The following RGS8 variants were observed in gnomAD, a reference collection of about 807,000 sequenced individuals.
RGS8 encodes regulator of G protein signaling 8, also known as regulator of G-protein signaling 8.
A neutral mutation model predicts 21.7 loss-of-function variants in RGS8; 8 were observed. The ratio of observed to expected loss-of-function variants is 0.37; its 90% confidence interval spans 0.22 to 0.66. The LOEUF (loss-of-function observed/expected upper bound fraction) is 0.66, where lower values mean the gene tolerates loss of function less well. RGS8 is among the 30% of genes least tolerant of loss of function. The probability of loss-of-function intolerance (pLI) is 0.59; values close to 1 mark genes in which losing one functional copy is unlikely to be tolerated. For synonymous variants in RGS8, 80 were observed against 83.6 expected, an observed-to-expected ratio of 0.96 and a Z score of 0.24; for missense variants, 157 against 217.9, an observed-to-expected ratio of 0.72 and a Z score of 1.76.
chr1:182,686,880 C>G (rs1317839135), upstream of RGS8, among the ~76,000 whole-genome samples: 1 of 151,912 alleles, frequency 6.6e-6, no homozygotes, highest in Non-Finnish European at 1.5e-5. Context: ...AGGAGCCAAC[C>G]AAAGATACTG....
chr1:182,724,470 C>T, the RGS8 span, among the ~76,000 whole-genome samples: 14 of 151,718 alleles, frequency 9.2e-5, no homozygotes, highest in Non-Finnish European at 1.9e-4. Context: ...AGTTAGGTTG[C>T]AGTTCACTAT....
the RGS8 span, among the ~76,000 whole-genome samples, chr1:182,746,722 AAGGG>A: frequency 6.6e-6 from 1 of 151,066 alleles, no homozygotes. Context: ...GAGAGAGAGA[AAGGG>A]AGGGAGGGAG....
the RGS8 span, among the ~76,000 whole-genome samples, chr1:182,709,244 C>T: frequency 7.2e-4 from 109 of 152,286 alleles, 1 homozygote; most frequent in Middle Eastern, 0.031. Context: ...AAAAGTTTTA[C>T]ACTTTTCAGC....
At chr1:182,653,374 G>C (rs1317527642) in intron 5 of RGS8, among the ~76,000 whole-genome samples, 1 of 151,002 alleles carries the variant, frequency 6.6e-6, no homozygotes, top group Non-Finnish European at 1.5e-5. Flanking sequence ...ATGAAGCGAG[G>C]AAAGAGATTT....
intron 2 of RGS8, among the ~76,000 whole-genome samples, 154 bp downstream of exon 3, chr1:182,671,503 A>G (rs567397): frequency 0.12 from 17,993 of 152,242 alleles, 1,925 homozygotes; most frequent in African/African-American, 0.28. Flanking sequence ...AAAGCAAAGA[A>G]CAAAGATTTA....
chr1:182,723,804 T>G, the RGS8 span, among the ~76,000 whole-genome samples: 1 of 152,172 alleles, frequency 6.6e-6, no homozygotes, highest in Non-Finnish European at 1.5e-5. Context: ...AATTCCAGAT[T>G]AAACTGTATT....
At chr1:182,712,674 G>A in the RGS8 span, among the ~76,000 whole-genome samples, 1 of 152,216 alleles carries the variant, frequency 6.6e-6, no homozygotes, top group Non-Finnish European at 1.5e-5. Context: ...TAGCCATGGA[G>A]ACCTCAGATT....
intron 3 of RGS8, among the ~76,000 whole-genome samples, chr1:182,669,288 C>T (rs2102441173): frequency 6.6e-6 from 1 of 152,352 alleles, no homozygotes; most frequent in African/African-American, 2.4e-5. Context: ...TTTCTCCTTT[C>T]TACAGCCCCA....
At chr1:182,733,981 C>A in the RGS8 span, 1 of 151,940 alleles carries the variant, frequency 6.6e-6, no homozygotes, top group Admixed American at 6.6e-5. Context: ...GGTGCAGTGG[C>A]ATGATCTCGG....
At chr1:182,716,619 C>G in the RGS8 span, among the ~76,000 whole-genome samples, 1 of 151,812 alleles carries the variant, frequency 6.6e-6, no homozygotes, top group African/African-American at 2.4e-5. Flanking sequence ...ATTTACAGAT[C>G]AGAAAATTGA....
chr1:182,724,465 G>T, the RGS8 span, among the ~76,000 whole-genome samples: 1 of 151,646 alleles, frequency 6.6e-6, no homozygotes, highest in African/African-American at 2.4e-5. Context: ...CATCCAGTTA[G>T]GTTGCAGTTC....
chr1:182,651,508 C>T (rs1296570606), intron 5 of RGS8, among the ~76,000 whole-genome samples: 1 of 152,186 alleles, frequency 6.6e-6, no homozygotes, highest in East Asian at 1.9e-4. Flanking sequence ...GATCCAAATG[C>T]AAAATTTGAA....
At chr1:182,702,535 CTT>C in the RGS8 span, among the ~76,000 whole-genome samples, 1 of 152,128 alleles carries the variant, frequency 6.6e-6, no homozygotes, top group Admixed American at 6.5e-5. Context: ...TAAAATAAAA[CTT>C]GAAATTATAA....
At chr1:182,675,624 C>T (rs1453464478), upstream of RGS8, among the ~76,000 whole-genome samples, 3 of 152,164 alleles carry the variant, frequency 2.0e-5, no homozygotes, top group East Asian at 3.8e-4. Context: ...CTCTGCTGTC[C>T]CTTCTGCCCG....
At chr1:182,743,363 A>G in the RGS8 span, among the ~76,000 whole-genome samples, 1,275 of 152,308 alleles carry the variant, frequency 8.4e-3, 17 homozygotes, top group African/African-American at 0.028. Context: ...CGAGAATTGT[A>G]GACAATTTCC....
chr1:182,732,495 T>G, the RGS8 span, among the ~76,000 whole-genome samples: 75 of 152,328 alleles, frequency 4.9e-4, 1 homozygote, highest in South Asian at 0.015. Flanking sequence ...ACTCATACCA[T>G]TCATTCCAAA....
intron 5 of RGS8, among the ~76,000 whole-genome samples, chr1:182,655,180 A>C (rs1663210712): frequency 6.6e-6 from 1 of 152,254 alleles, no homozygotes; most frequent in African/African-American, 2.4e-5. Flanking sequence ...AAGGATGCTA[A>C]ACTGCAAAGC....
upstream of RGS8, among the ~76,000 whole-genome samples, chr1:182,677,535 C>A (rs1664404027): frequency 6.6e-6 from 1 of 152,182 alleles, no homozygotes; most frequent in South Asian, 2.1e-4. Context: ...TTTAAAGTTT[C>A]ACTTTTTTAC....
At chr1:182,747,370 T>G in the RGS8 span, among the ~76,000 whole-genome samples, 1 of 152,194 alleles carries the variant, frequency 6.6e-6, no homozygotes, top group African/African-American at 2.4e-5. Flanking sequence ...TTCAGTGTGC[T>G]TCCCATTTAA....
Sources: gnomAD v4.1 joint callset for allele counts (sites outside exome capture counted in the v4.1 genomes callset) on GRCh38, gnomAD v4.1.1 for gene constraint, MANE v1.5 for transcripts, NCBI Gene and HGNC (gene_info 2026-07-23, HGNC 2026-07-21) for gene names.